NRXN1: variants seen among roughly 807,000 people sequenced by gnomAD.
NRXN1 encodes the protein neurexin-1.
In NRXN1, 39 loss-of-function variants were observed where a neutral mutation model predicts 150.9. The observed-to-expected ratio is 0.26, with a 90% CI of 0.20 to 0.34. The LOEUF is 0.34. Ranked by LOEUF, NRXN1 falls within the 10% of genes least tolerant of loss-of-function variation. NRXN1 has a pLI of 1.00. For missense variants in NRXN1, 1,815 were observed against 1,949.9 expected, an observed-to-expected ratio of 0.93 and a Z score of 1.30; for synonymous variants, 924 against 757.0, an observed-to-expected ratio of 1.22 and a Z score of -3.62.
chr2:50,438,260 G>T (rs1400425906), intron 17 of NRXN1, among the ~76,000 whole-genome samples: 4 of 152,182 alleles, frequency 2.6e-5, no homozygotes, highest in Admixed American at 2.6e-4. Context: ...CTGAGTTTTT[G>T]TGTTTCAATT....
At chr2:51,007,613 G>C (rs1182339372) in intron 2 of NRXN1, among the ~76,000 whole-genome samples, 16 of 151,662 alleles carry the variant, frequency 1.1e-4, no homozygotes, top group Non-Finnish European at 2.1e-4. Context: ...TTATTGATTG[G>C]ATAGTTTTTG....
At chr2:50,735,900 T>TGATA (rs1163384471) in intron 5 of NRXN1, among the ~76,000 whole-genome samples, 6 of 152,212 alleles carry the variant, frequency 3.9e-5, no homozygotes, top group African/African-American at 1.2e-4. Flanking sequence ...CAAGACATTA[T>TGATA]GATAGCAACT....
chr2:51,027,422 A>T, intron 2 of NRXN1, 80 bp downstream of exon 2: 1 of 1,371,392 alleles, frequency 7.3e-7, no homozygotes, highest in Non-Finnish European at 9.5e-7. Context: ...GATTAGGAAG[A>T]CCCCATGCAC....
intron 17 of NRXN1, among the ~76,000 whole-genome samples, chr2:50,242,695 G>C (rs2066129390): frequency 6.6e-6 from 1 of 151,628 alleles, no homozygotes; most frequent in African/African-American, 2.4e-5. Flanking sequence ...ATGCATGTAA[G>C]GGTGCAAAGA....
intron 19 of NRXN1, among the ~76,000 whole-genome samples, chr2:50,081,499 C>T (rs1198024691): frequency 6.6e-6 from 1 of 152,094 alleles, no homozygotes. Flanking sequence ...TTGCAGTGAG[C>T]CAAATTCGGG....
intron 17 of NRXN1, among the ~76,000 whole-genome samples, chr2:50,366,465 C>A (rs2079591386): frequency 6.6e-6 from 1 of 151,760 alleles, no homozygotes; most frequent in South Asian, 2.1e-4. Context: ...GTTTAGTATT[C>A]AATATCCATT....
intron 15 of NRXN1, among the ~76,000 whole-genome samples, chr2:50,478,707 C>T (rs976437695): frequency 6.6e-6 from 1 of 152,180 alleles, no homozygotes; most frequent in Admixed American, 6.5e-5. Flanking sequence ...TAAAATCAAA[C>T]CTTCATCATC....
chr2:50,088,631 G>A (rs895212200), intron 19 of NRXN1, among the ~76,000 whole-genome samples: 4 of 152,026 alleles, frequency 2.6e-5, no homozygotes, highest in Admixed American at 2.6e-4. Context: ...TTCTTATTAC[G>A]ATACTGCTCA....
chr2:50,798,862 C>T (rs1707199541), intron 5 of NRXN1, among the ~76,000 whole-genome samples: 1 of 152,060 alleles, frequency 6.6e-6, no homozygotes, highest in South Asian at 2.1e-4. Context: ...GAAGATCTTG[C>T]TAAAAAATAA....
intron 18 of NRXN1, among the ~76,000 whole-genome samples, chr2:50,172,373 G>A (rs1198408024): frequency 1.3e-5 from 2 of 152,016 alleles, no homozygotes; most frequent in Admixed American, 1.3e-4. Flanking sequence ...GACACAGGGA[G>A]GCCCTTGAAG....
intron 21 of NRXN1, among the ~76,000 whole-genome samples, chr2:49,976,471 T>G (rs1420460212): frequency 6.6e-6 from 1 of 152,192 alleles, no homozygotes; most frequent in African/African-American, 2.4e-5. Flanking sequence ...TGTTTAAGTC[T>G]ATGGTTTACT....
intron 19 of NRXN1, among the ~76,000 whole-genome samples, chr2:50,077,631 T>C (rs72891432): frequency 0.02 from 3,118 of 152,196 alleles, 90 homozygotes; most frequent in African/African-American, 0.072. Flanking sequence ...CCTGAAAAAT[T>C]ATTATGGCAT....
At chr2:50,845,497 A>T (rs1673508079) in intron 5 of NRXN1, among the ~76,000 whole-genome samples, 1 of 152,302 alleles carries the variant, frequency 6.6e-6, no homozygotes, top group Non-Finnish European at 1.5e-5. Context: ...TTGAAACGTA[A>T]TGACTTACTT....
intron 18 of NRXN1, among the ~76,000 whole-genome samples, chr2:50,203,796 TTTC>T (rs1385614541): frequency 1.3e-5 from 2 of 152,292 alleles, no homozygotes; most frequent in African/African-American, 4.8e-5. Context: ...CAATAGTTCT[TTTC>T]TTCTTCATTT....
At chr2:50,959,553 T>C (rs1011400180) in intron 2 of NRXN1, among the ~76,000 whole-genome samples, 14 of 152,018 alleles carry the variant, frequency 9.2e-5, no homozygotes, top group Admixed American at 5.3e-4. Flanking sequence ...GGTAGGTCTA[T>C]AGAGCTATAA....
At chr2:50,290,851 G>A (rs555998821) in intron 17 of NRXN1, among the ~76,000 whole-genome samples, 10 of 152,310 alleles carry the variant, frequency 6.6e-5, no homozygotes, top group African/African-American at 1.2e-4. Context: ...AAGGCACTCT[G>A]CTGCATGTGG....
intron 17 of NRXN1, among the ~76,000 whole-genome samples, chr2:50,313,247 T>C (rs1449013124): frequency 6.6e-6 from 1 of 152,142 alleles, no homozygotes; most frequent in Non-Finnish European, 1.5e-5. Flanking sequence ...TTTTGCCTTA[T>C]ATTCTGCTCA....
At chr2:49,933,604 C>A (rs2104238223) in intron 22 of NRXN1, among the ~76,000 whole-genome samples, 1 of 125,542 alleles carries the variant, frequency 8.0e-6, no homozygotes, top group South Asian at 3.0e-4. Context: ...GTTCATTATC[C>A]TCTGCTAACA....
chr2:50,178,621 G>A (rs1183511899), intron 18 of NRXN1, among the ~76,000 whole-genome samples: 1 of 152,068 alleles, frequency 6.6e-6, no homozygotes, highest in African/African-American at 2.4e-5. Flanking sequence ...ATGGTTCACA[G>A]GAACAGTAAG....
Sources: gnomAD v4.1 joint callset for allele counts (sites outside exome capture counted in the v4.1 genomes callset) on GRCh38, gnomAD v4.1.1 for gene constraint, MANE v1.5 for transcripts, NCBI Gene and HGNC (gene_info 2026-07-23, HGNC 2026-07-21) for gene names.